NARS2: variants seen among roughly 807,000 people sequenced by gnomAD.
NARS2 encodes the protein asparaginyl-tRNA synthetase.
A neutral mutation model predicts 62.9 loss-of-function variants in NARS2; 60 were observed. The ratio of observed to expected loss-of-function variants is 0.95; its 90% CI spans 0.77 to 1.18. NARS2 has a LOEUF of 1.18. Ranked by LOEUF, NARS2 falls within the 50% of genes most tolerant of loss-of-function variation. The pLI, the probability that NARS2 is intolerant of heterozygous loss-of-function variation, is 0.00. For missense variants in NARS2, 619 were observed against 576.4 expected (o/e 1.07, Z -0.76); for synonymous variants, 196 against 200.0 (o/e 0.98, Z 0.17).
intron 3 of NARS2, among the ~76,000 whole-genome samples, chr11:78,566,910 A>T (rs181705467): frequency 1.3e-4 from 20 of 152,326 alleles, no homozygotes; most frequent in Non-Finnish European, 2.8e-4. Flanking sequence ...AATTAAAAAG[A>T]TAACAGAGAA....
chr11:78,554,326 A>G (rs2135500962), intron 5 of NARS2, among the ~76,000 whole-genome samples: 1 of 152,324 alleles, frequency 6.6e-6, no homozygotes, highest in Middle Eastern at 3.4e-3. Context: ...TATGAACAAC[A>G]TTGAATCTGT....
intron 11 of NARS2, among the ~76,000 whole-genome samples, chr11:78,465,299 C>T (rs1858574035): frequency 1.3e-5 from 2 of 152,274 alleles, no homozygotes; most frequent in Admixed American, 1.3e-4. Flanking sequence ...CACACCACCC[C>T]ACAAGCTGAG....
At chr11:78,459,442 G>T (rs1402997602) in intron 11 of NARS2, among the ~76,000 whole-genome samples, 1 of 150,222 alleles carries the variant, frequency 6.7e-6, no homozygotes, top group Admixed American at 6.6e-5. Context: ...AGCTAATTTT[G>T]TATTTTTAGT....
Position 78,436,518 on chromosome 11 carries a change from C to A in NARS2, c.*152G>T. ...TACCCTCAACTTTCTAAGAAAATCA[C>A]AACCACTTATATTTTTTCTATGATA... On this transcript the variant is annotated 3_prime_UTR_variant, in exon 14 of 14. Transcript: ENST00000281038. The A allele has an allele frequency of 3.1e-6, 3 of 967,292 alleles. No homozygotes were observed. The highest frequency in any genetic ancestry group is 3.0e-6 in the Non-Finnish European group (2 of 662,408). The allele number at this position is 967,292 out of a possible 1,614,324, so 59.9% of individuals were successfully genotyped here.
chr11:78,559,561 G>T lies in NARS2; in HGVS notation c.572C>A (p.Ala191Asp). ...TACTTCAAGTTGAAAAAGTTCTCCA[G>T]CTCCCTCAGAGTCATTGGATGTGAT... ...PIITSNDSEG[A>D]GELFQLEPSG... The change falls in exon 5 of 14, where the codon GCT becomes GAT. Residue 191 changes from alanine to aspartate, a missense_variant. By Grantham distance (126) the Ala-to-Asp change is moderately radical. Coordinates refer to ENST00000281038, the MANE Select transcript of NARS2 (RefSeq NM_024678.6). 1 of 1,612,558 alleles carries T rather than the reference G, an allele frequency of 6.2e-7. No homozygotes were observed. Among genetic ancestry groups the T allele is most frequent in the Non-Finnish European group, 8.5e-7 (1 of 1,178,970 alleles).
intron 9 of NARS2, among the ~76,000 whole-genome samples, chr11:78,477,027 C>T (rs756732182): frequency 1.3e-5 from 2 of 152,176 alleles, no homozygotes; most frequent in Non-Finnish European, 2.9e-5. Context: ...ATAAAATGAG[C>T]TACTGATGTA....
At chr11:78,492,999 A>G in intron 7 of NARS2, 64 bp downstream of exon 7, 1 of 1,443,482 alleles carries the variant, frequency 6.9e-7, no homozygotes, top group Non-Finnish European at 9.4e-7. Context: ...CGTCCGAGGT[A>G]AAAATATATA....
At chr11:78,503,861 G>A (rs1590786780) in intron 6 of NARS2, among the ~76,000 whole-genome samples, 1 of 152,216 alleles carries the variant, frequency 6.6e-6, no homozygotes, top group Non-Finnish European at 1.5e-5. Flanking sequence ...GGAGAAGGAA[G>A]AAGAGGAAGA....
At chr11:78,522,424 A>G (rs542793424) in intron 6 of NARS2, among the ~76,000 whole-genome samples, 4 of 152,342 alleles carry the variant, frequency 2.6e-5, no homozygotes, top group East Asian at 1.9e-4. Flanking sequence ...CTTCCATCCA[A>G]TGAGTCATTC....
intron 5 of NARS2, among the ~76,000 whole-genome samples, chr11:78,533,555 C>T (rs1166017781): frequency 6.6e-6 from 1 of 152,138 alleles, no homozygotes; most frequent in Admixed American, 6.6e-5. Flanking sequence ...TTAAAATTTC[C>T]TTTTGAGTGA....
At chr11:78,482,267 A>T (rs944810957) in intron 7 of NARS2, among the ~76,000 whole-genome samples, 4 of 152,236 alleles carry the variant, frequency 2.6e-5, no homozygotes, top group Admixed American at 6.5e-5. Context: ...GGAAGTTTAT[A>T]GCACTAAATG....
chr11:78,494,778 T>C (rs1859986599), intron 6 of NARS2, among the ~76,000 whole-genome samples: 1 of 152,192 alleles, frequency 6.6e-6, no homozygotes. Flanking sequence ...ACCTACCTTA[T>C]GCAGAATGAA....
At chr11:78,455,225 G>C (rs1242387193) in intron 11 of NARS2, among the ~76,000 whole-genome samples, 2 of 151,898 alleles carry the variant, frequency 1.3e-5, no homozygotes, top group Non-Finnish European at 2.9e-5. Context: ...CTCCATAATT[G>C]TTCCTATCTT....
At chr11:78,514,971 TA>T (rs1198307753) in intron 6 of NARS2, among the ~76,000 whole-genome samples, 1 of 151,868 alleles carries the variant, frequency 6.6e-6, no homozygotes, top group Admixed American at 6.6e-5. Flanking sequence ...AAAATAATAA[TA>T]AAAAAACTAA....
At chr11:78,506,913 G>T (rs1428107752) in intron 6 of NARS2, among the ~76,000 whole-genome samples, 1 of 152,208 alleles carries the variant, frequency 6.6e-6, no homozygotes, top group African/African-American at 2.4e-5. Flanking sequence ...ACAGTAAATT[G>T]TAGTTAGTTT....
intron 1 of NARS2, chr11:78,573,120 C>G (rs183537901): frequency 7.9e-5 from 12 of 152,208 alleles, no homozygotes; most frequent in Admixed American, 6.5e-4. Flanking sequence ...CAAAGAGGAG[C>G]AGATTGGTCA....
At chr11:78,540,089 C>T (rs1439040555) in intron 5 of NARS2, among the ~76,000 whole-genome samples, 1 of 152,154 alleles carries the variant, frequency 6.6e-6, no homozygotes, top group Non-Finnish European at 1.5e-5. Flanking sequence ...AAAACTTAAC[C>T]TAGCCTTTCT....
At chr11:78,498,890 CTTTTTTTTTTTTTTT>C (rs35157157) in intron 6 of NARS2, among the ~76,000 whole-genome samples, 1 of 62,276 alleles carries the variant, frequency 1.6e-5, no homozygotes, top group East Asian at 6.4e-4. Context: ...CATCCTCAGT[CTTTTTTTTTTTTTTT>C]TTTTTTTTTT....
chr11:78,465,271 C>T (rs967671231), intron 11 of NARS2, among the ~76,000 whole-genome samples: 14 of 152,274 alleles, frequency 9.2e-5, no homozygotes, highest in East Asian at 3.8e-4. Flanking sequence ...CCCTGGTTCC[C>T]GCCCATGCCT....
Sources: gnomAD v4.1 joint callset for allele counts (sites outside exome capture counted in the v4.1 genomes callset) on GRCh38, gnomAD v4.1.1 for gene constraint, MANE v1.5 for transcripts, NCBI Gene and HGNC (gene_info 2026-07-23, HGNC 2026-07-21) for gene names.